The following RIMBP2 variants were observed in gnomAD, a reference collection of about 807,000 sequenced individuals.
The protein encoded by RIMBP2 is RIMS-binding protein 2.
Under a neutral mutation model 118.6 loss-of-function variants are expected in RIMBP2, and 48 were observed. That is an observed-to-expected ratio of 0.40 (90% CI 0.32 to 0.51). The LOEUF (loss-of-function observed/expected upper bound fraction) is 0.51. Ranked by LOEUF, RIMBP2 falls within the 20% of genes least tolerant of loss-of-function variation. The pLI, the probability that RIMBP2 is intolerant of heterozygous loss-of-function variation, is 0.41. For missense variants in RIMBP2, 1,551 were observed against 1,768.3 expected (o/e 0.88, Z 2.20); for synonymous variants, 762 against 742.9 (o/e 1.03, Z -0.42).
chr12:130,487,877 C>T (rs1389299858), intron 4 of RIMBP2, among the ~76,000 whole-genome samples: 1 of 152,098 alleles, frequency 6.6e-6, no homozygotes, highest in Non-Finnish European at 1.5e-5. Context: ...CCCACGCCCC[C>T]AGCCCACACT....
At chr12:130,612,097 C>T (rs767747548) in intron 2 of RIMBP2, among the ~76,000 whole-genome samples, 1 of 152,114 alleles carries the variant, frequency 6.6e-6, no homozygotes, top group African/African-American at 2.4e-5. Flanking sequence ...AGGGCAGGTG[C>T]TCAGACATCA....
chr12:130,701,108 G>A (rs1255374994), intron 1 of RIMBP2, among the ~76,000 whole-genome samples: 2 of 152,210 alleles, frequency 1.3e-5, no homozygotes, highest in Non-Finnish European at 2.9e-5. Context: ...GTGTGATTTC[G>A]AAGGATGGGC....
chr12:130,467,843 C>T (rs2080634070), intron 6 of RIMBP2, among the ~76,000 whole-genome samples: 1 of 152,204 alleles, frequency 6.6e-6, no homozygotes, highest in Admixed American at 6.5e-5. Flanking sequence ...TCAAGACCTC[C>T]CGAGGCTGTG....
At chr12:130,571,739 C>T (rs1275841474) in intron 2 of RIMBP2, among the ~76,000 whole-genome samples, 1 of 152,146 alleles carries the variant, frequency 6.6e-6, no homozygotes. Flanking sequence ...AAACGGGAAC[C>T]TCACTGTGGC....
intron 2 of RIMBP2, among the ~76,000 whole-genome samples, chr12:130,536,965 A>T (rs1180300904): frequency 6.6e-6 from 1 of 152,216 alleles, no homozygotes; most frequent in Non-Finnish European, 1.5e-5. Context: ...AACACAAGAC[A>T]ACCCCAAATT....
At chr12:130,509,073 A>G (rs2050645328) in intron 3 of RIMBP2, among the ~76,000 whole-genome samples, 1 of 152,084 alleles carries the variant, frequency 6.6e-6, no homozygotes, top group African/African-American at 2.4e-5. Flanking sequence ...ACCAGCCTGC[A>G]GGGATTACCC....
intron 2 of RIMBP2, among the ~76,000 whole-genome samples, chr12:130,565,840 G>A (rs2057179239): frequency 6.6e-6 from 1 of 152,210 alleles, no homozygotes; most frequent in Admixed American, 6.5e-5. Flanking sequence ...TTGCCACACA[G>A]CATCCCAATT....
chr12:130,562,920 A>G (rs1566268323), intron 2 of RIMBP2, among the ~76,000 whole-genome samples: 1 of 152,228 alleles, frequency 6.6e-6, no homozygotes, highest in South Asian at 2.1e-4. Context: ...AGCTGGGAGT[A>G]ACTCACTGTG....
intron 2 of RIMBP2, among the ~76,000 whole-genome samples, chr12:130,596,432 GGCC>G (rs1473782191): frequency 6.7e-6 from 1 of 149,362 alleles, no homozygotes; most frequent in Non-Finnish European, 1.5e-5. Context: ...CCTTGCCCAA[GGCC>G]ACATAGCCCA....
chr12:130,429,457 G>A (rs568127313), intron 14 of RIMBP2: 2 of 152,300 alleles, frequency 1.3e-5, no homozygotes, highest in South Asian at 4.1e-4. Flanking sequence ...TAGTCACGTG[G>A]TAACGGTATT....
chr12:130,631,622 C>T (rs2062000975), intron 1 of RIMBP2, among the ~76,000 whole-genome samples: 1 of 151,930 alleles, frequency 6.6e-6, no homozygotes, highest in Non-Finnish European at 1.5e-5. Flanking sequence ...TTGAGAACCA[C>T]TTATCTACCA....
intron 1 of RIMBP2, among the ~76,000 whole-genome samples, chr12:130,686,178 T>C (rs1161643194): frequency 6.6e-6 from 1 of 152,132 alleles, no homozygotes; most frequent in East Asian, 1.9e-4. Context: ...CACATTCCCG[T>C]TGCCCCTTCC....
chr12:130,428,501 G>C, intron 14 of RIMBP2, 164 bp from the exon 15 acceptor site: 1 of 629,182 alleles, frequency 1.6e-6, no homozygotes, highest in Non-Finnish European at 2.6e-6. Flanking sequence ...AGTGAGGCTG[G>C]AGAGAGGACA....
At chr12:130,508,545 T>C (rs964889514) in intron 3 of RIMBP2, among the ~76,000 whole-genome samples, 4 of 151,764 alleles carry the variant, frequency 2.6e-5, no homozygotes, top group African/African-American at 4.8e-5. Flanking sequence ...TCTCATTAGG[T>C]GTCACCTCAG....
intron 2 of RIMBP2, among the ~76,000 whole-genome samples, chr12:130,558,858 G>A (rs894731632): frequency 1.3e-5 from 2 of 152,022 alleles, no homozygotes; most frequent in Admixed American, 1.3e-4. Context: ...AATGACATTT[G>A]CTGTTAACAA....
intron 4 of RIMBP2, among the ~76,000 whole-genome samples, chr12:130,505,433 C>T (rs1257604067): frequency 6.6e-6 from 1 of 151,282 alleles, no homozygotes; most frequent in African/African-American, 2.4e-5. Flanking sequence ...CAAAAAGAAC[C>T]TCATACCCCT....
intron 2 of RIMBP2, among the ~76,000 whole-genome samples, chr12:130,544,269 T>C (rs61934600): frequency 2.6e-5 from 4 of 152,202 alleles, no homozygotes; most frequent in Non-Finnish European, 5.9e-5. Flanking sequence ...TCCTCCCCAG[T>C]AGGTGCTTTT....
chr12:130,488,981 A>G (rs1419137222), intron 4 of RIMBP2, among the ~76,000 whole-genome samples: 2 of 152,190 alleles, frequency 1.3e-5, no homozygotes, highest in South Asian at 2.1e-4. Flanking sequence ...TGCTTTCTGG[A>G]AAGTTCCAGA....
intron 4 of RIMBP2, among the ~76,000 whole-genome samples, chr12:130,503,676 G>A (rs984413267): frequency 2.4e-4 from 36 of 152,182 alleles, no homozygotes; most frequent in African/African-American, 7.5e-4. Flanking sequence ...TGTCCAGCAC[G>A]CCATGCTTTG....
Sources: allele counts gnomAD v4.1 joint callset (sites outside exome capture counted in the v4.1 genomes callset), GRCh38; gene constraint gnomAD v4.1.1; transcripts MANE v1.5; gene names NCBI Gene and HGNC (gene_info 2026-07-23, HGNC 2026-07-21).